MICALL2: variants seen among roughly 807,000 people sequenced by gnomAD.
MICALL2 encodes the protein MICAL like 2, also known as MICAL-like protein 2.
In MICALL2, 111 loss-of-function variants were observed where a neutral mutation model predicts 91.1. The ratio of observed to expected loss-of-function variants is 1.22; its 90% CI spans 1.04 to 1.43. The LOEUF is 1.43. Ranked by LOEUF, MICALL2 falls within the 40% of genes most tolerant of loss-of-function variation. MICALL2 has a pLI of 0.00. For missense variants in MICALL2, 1,556 were observed against 1,236.0 expected (o/e 1.26, Z -3.88); for synonymous variants, 694 against 525.3 (o/e 1.32, Z -4.39).
At chr7:1,443,110 T>G (rs1584213482) in intron 6 of MICALL2, among the ~76,000 whole-genome samples, 1 of 77,362 alleles carries the variant, frequency 1.3e-5, no homozygotes, top group Non-Finnish European at 2.4e-5. Flanking sequence ...CCAGTTTCCC[T>G]CCCCCCTTTC....
At chr7:1,453,095 C>T (rs1780894383) in intron 1 of MICALL2, among the ~76,000 whole-genome samples, 2 of 152,026 alleles carry the variant, frequency 1.3e-5, no homozygotes, top group South Asian at 4.1e-4. Flanking sequence ...AGAACCGTCT[C>T]GCAAGCCCCA....
chr7:1,434,936 G>A (rs1356604625), intron 16 of MICALL2, 165 bp downstream of exon 16: 3 of 820,408 alleles, frequency 3.7e-6, no homozygotes, highest in South Asian at 3.3e-5. Flanking sequence ...CACCCTCAGG[G>A]TGAACCTGCC....
At chr7:1,444,391 G>A (rs886530933) in intron 6 of MICALL2, among the ~76,000 whole-genome samples, 5 of 152,064 alleles carry the variant, frequency 3.3e-5, no homozygotes, top group African/African-American at 9.7e-5. Flanking sequence ...GAGCGGCAGC[G>A]CCACCGCACC....
At position 1,448,666 on chromosome 7, in the gene MICALL2, C is replaced by T; in HGVS notation, c.288G>A (p.Leu96=). The part of the protein sequence containing the change: ...ALKVPDRLSI[L]TYVSQYYNYF... Reference sequence around the variant, plus strand: ...AGTTGTAATACTGGGACACGTAGGTCAAGATGCTCAGCCGGTCAGGCACCT... The same window carrying T: ...AGTTGTAATACTGGGACACGTAGGTTAAGATGCTCAGCCGGTCAGGCACCT... The change falls in exon 3 of 17, where the codon TTG becomes TTA. Residue 96 remains leucine (L), a synonymous_variant. Transcript: ENST00000297508. 7 of 1,612,792 alleles carry T rather than the reference C, an allele frequency of 4.3e-6. No individual in the cohort carries two copies. The highest frequency in any genetic ancestry group is 5.1e-6 in the Non-Finnish European group (6 of 1,179,932).
intron 1 of MICALL2, among the ~76,000 whole-genome samples, chr7:1,455,820 A>AC (rs1170593510): frequency 6.6e-6 from 1 of 151,986 alleles, no homozygotes; most frequent in Non-Finnish European, 1.5e-5. Flanking sequence ...AGAGCTACAG[A>AC]CAGGGAGACA....
In MICALL2 at chr7:1,444,791, G is replaced by A. The variant is rs770416626; in HGVS notation, c.1279C>T (p.Pro427Ser). 20 of 1,611,500 alleles carry A rather than the reference G, an allele frequency of 1.2e-5. No individual in the cohort carries two copies. The African/African-American group carries it at 1.3e-4, about 11-fold the overall frequency. The change falls in exon 6 of 17, where the codon CCC becomes TCC. Residue 427 changes from proline to serine, a missense_variant. Transcript: ENST00000297508. ...CTGCCAGAAAGGCTGGTGCCGGGGG[G>A]CACTGCTGATGTTTGGAAAAACTTA... is the stretch of plus-strand genomic sequence containing the variant. ...RNKFFQTSAVPPGTSLSGRGP... is the reference protein window; with the variant it reads ...RNKFFQTSAVSPGTSLSGRGP...
Position 1,450,559 on chromosome 7 carries a change from T to C in MICALL2, c.144-271A>G, listed in dbSNP as rs953176310. On this transcript the variant is annotated intron_variant, in intron 1 of 16. Transcript: ENST00000297508. ...ACAGGCCGCCCCTCACCAGTGCTCC[T>C]GCCACAGTCAGAGGTGGCAGGAAGC... 5.9e-5 allele frequency: 25 copies of C among 420,242 alleles called. No homozygotes were observed. In the Admixed American group the frequency reaches 6.5e-4, roughly 11 times the overall value. The allele number at this position is 420,242 out of a possible 1,614,324, so 26.0% of individuals were successfully genotyped here.
intron 16 of MICALL2, 81 bp from the exon 17 acceptor site, chr7:1,434,753 A>G (rs558214374): frequency 3.2e-5 from 45 of 1,385,164 alleles, no homozygotes; most frequent in Non-Finnish European, 3.5e-5. Flanking sequence ...CCTGCCAGAA[A>G]CATCCTTCCC....
At chr7:1,445,539 T>C (rs947000981) in intron 5 of MICALL2, 111 bp from the exon 6 acceptor site, 1 of 1,087,428 alleles carries the variant, frequency 9.2e-7, no homozygotes, top group African/African-American at 1.6e-5. Flanking sequence ...ACTTGCGAGG[T>C]TGCTGAACGC....
In MICALL2 at chr7:1,444,872, T is replaced by C. The variant is rs762061682; in HGVS notation, c.1198A>G (p.Thr400Ala). The C allele has an allele frequency of 3.8e-6, 6 of 1,595,414 alleles. No individual in the cohort carries two copies. In the South Asian group the frequency reaches 6.7e-5, roughly 18 times the overall value. Residue 400 changes from threonine to alanine, a missense_variant, in exon 6 of 17, where the codon ACG becomes GCG. Transcript: ENST00000297508. Reference protein sequence around the residue: ...TLSSSSTSAATVDPPAWTPSA... With the variant: ...TLSSSSTSAAAVDPPAWTPSA... ...GGGGTCCAGGCTGGGGGGTCCACCG[T>C]GGCTGCAGATGTGGAGCTTGAACTG...
rs760866314 is a variant in MICALL2 at position 1,437,983 on chromosome 7, G to A, written c.2312-3C>T. On this transcript the variant is annotated splice_polypyrimidine_tract_variant and splice_region_variant and intron_variant, in intron 12 of 16. Transcript: ENST00000297508. Reference sequence around the variant, plus strand: ...CATGAGGCTATCCTCAGCGTCATCTGGGGAGAGGAGCCAGCTGGGGCAGGG... The same window carrying A: ...CATGAGGCTATCCTCAGCGTCATCTAGGGAGAGGAGCCAGCTGGGGCAGGG... The A allele has an allele frequency of 2.1e-5, 32 of 1,550,680 alleles. No individual in the cohort carries two copies. Among genetic ancestry groups the A allele is most frequent in the Admixed American group, 1.2e-4 (6 of 51,098 alleles).
intron 10 of MICALL2, chr7:1,438,623 C>G: frequency 7.0e-7 from 1 of 1,420,850 alleles, no homozygotes; most frequent in Non-Finnish European, 9.2e-7. Flanking sequence ...GCAGACATTC[C>G]ATCATCACCA....
chr7:1,435,327 T>G (rs963612615), intron 15 of MICALL2, among the ~76,000 whole-genome samples, 180 bp from the exon 16 acceptor site: 3 of 152,182 alleles, frequency 2.0e-5, no homozygotes, highest in African/African-American at 7.2e-5. Context: ...GCCAAGTCCC[T>G]GCCCTCTTCC....
chr7:1,447,580 T>C lies in MICALL2; in HGVS notation c.520A>G (p.Lys174Glu), dbSNP rs1349276889. 7 of 1,557,316 alleles carry C rather than the reference T, an allele frequency of 4.5e-6. No homozygotes were observed. The highest frequency in any genetic ancestry group is 4.3e-6 in the Non-Finnish European group (5 of 1,150,212). ...AGGGTGGGGTGGGAGCTTACAGTCT[T>C]GGGGGGCGGGCCCCCTGCACCCTCA... The part of the protein sequence containing the change: ...RNEGAGGPPP[K>E]TDQALAGSLV... Residue 174 changes from lysine to glutamate, a missense_variant, in exon 4 of 17, where the codon AAG becomes GAG. Physicochemically the swap from Lys to Glu is moderately conservative, Grantham distance 56. Transcript: ENST00000297508.
chr7:1,436,999 G>A (rs1196851800), intron 14 of MICALL2, 143 bp from the exon 15 acceptor site: 4 of 561,192 alleles, frequency 7.1e-6, no homozygotes, highest in Non-Finnish European at 9.1e-6. Flanking sequence ...CAGAATGAAT[G>A]AGTGAATAAG....
intron 15 of MICALL2, among the ~76,000 whole-genome samples, chr7:1,435,858 T>A (rs188594829): frequency 4.0e-5 from 6 of 151,876 alleles, no homozygotes; most frequent in African/African-American, 1.4e-4. Flanking sequence ...GAGACCATCC[T>A]GGCTAACATG....
At chr7:1,437,446 C>T in intron 14 of MICALL2, 89 bp downstream of exon 14, 1 of 1,208,332 alleles carries the variant, frequency 8.3e-7, no homozygotes, top group Middle Eastern at 2.4e-4. Context: ...CCAGGACAGT[C>T]AGGTGGCCTC....
chr7:1,456,206 A>C (rs1458646856), intron 1 of MICALL2, among the ~76,000 whole-genome samples: 1 of 147,606 alleles, frequency 6.8e-6, no homozygotes. Flanking sequence ...GGATTACTTG[A>C]GGCCAGGAGT....
At chr7:1,439,707 G>T (rs757979985) in intron 9 of MICALL2, 2 of 434,448 alleles carry the variant, frequency 4.6e-6, no homozygotes, top group East Asian at 7.2e-5. Context: ...ATCACGCATG[G>T]ATACAGGCAT....
Sources: gnomAD v4.1 joint callset for allele counts (sites outside exome capture counted in the v4.1 genomes callset) on GRCh38, gnomAD v4.1.1 for gene constraint, MANE v1.5 for transcripts, NCBI Gene and HGNC (gene_info 2026-07-23, HGNC 2026-07-21) for gene names.